FAM13A: variants seen among roughly 807,000 people sequenced by gnomAD.
FAM13A encodes protein FAM13A.
FAM13A carries 76 observed loss-of-function variants against 129.6 expected under a neutral mutation model. That is an observed-to-expected ratio of 0.59 (90% confidence interval 0.49 to 0.71). The LOEUF is 0.71. Among genes scored for constraint, FAM13A ranks in the 30% least tolerant of loss-of-function variants. The pLI is 0.00. For missense variants in FAM13A, 1,108 were observed against 1,249.3 expected (o/e 0.89, Z 1.70); for synonymous variants, 443 against 449.9 (o/e 0.98, Z 0.20).
At position 88,727,394 on chromosome 4, in the gene FAM13A, G is replaced by GA. The variant is rs1395131612; in HGVS notation, c.*1138dup. On this transcript the variant is annotated 3_prime_UTR_variant, in exon 24 of 24. Coordinates refer to ENST00000264344, the MANE Select transcript of FAM13A (RefSeq NM_014883.4). ...TAGACAGTTTTGTGACAAAGTCTTTGAAAAAAATTATAATTGGCCACACAG... is the reference window on the plus strand; with the variant it reads ...TAGACAGTTTTGTGACAAAGTCTTTGAAAAAAAATTATAATTGGCCACACAG... 1.3e-5 allele frequency: 2 copies of GA among 152,500 alleles called. No individual in the cohort carries two copies. Among genetic ancestry groups the GA allele is most frequent in the South Asian group, 2.1e-4 (1 of 4,822 alleles). The allele number at this position is 152,500 out of a possible 1,614,324, so 9.4% of individuals were successfully genotyped here.
intron 5 of FAM13A, among the ~76,000 whole-genome samples, chr4:88,930,447 CA>C (rs1456545009): frequency 1.3e-5 from 2 of 152,108 alleles, no homozygotes; most frequent in Non-Finnish European, 2.9e-5. Flanking sequence ...TGACACTCAG[CA>C]ATACACAGGG....
chr4:88,787,805 G>C lies in FAM13A; in HGVS notation c.1219C>G (p.Gln407Glu), dbSNP rs1438942766. ...TGCTCCTTGGACTGGCGGCGGCGCT[G>C]TCTGGCAGATGTGGCAGAAGATGCT... Reference protein sequence around the residue: ...LSASSATSARQRRRQSKEQDE... With the variant: ...LSASSATSARERRRQSKEQDE... The change falls in exon 10 of 24, where the codon CAG becomes GAG. Residue 407 changes from glutamine to glutamate, a missense_variant. Physicochemically the swap from Gln to Glu is conservative, Grantham distance 29. This residue lies in a region of FAM13A where 566 missense variants were observed against 595.7 expected (regional missense o/e 0.95). Transcript: ENST00000264344. The C allele has an allele frequency of 1.2e-6, 2 of 1,613,530 alleles. No homozygotes were observed. Among genetic ancestry groups the C allele is most frequent in the Non-Finnish European group, 1.7e-6 (2 of 1,179,728 alleles).
chr4:88,801,164 G>T (rs1320484408), intron 8 of FAM13A, among the ~76,000 whole-genome samples: 1 of 152,094 alleles, frequency 6.6e-6, no homozygotes, highest in Non-Finnish European at 1.5e-5. Context: ...AATAGCAGTG[G>T]CATGGTATAA....
intron 5 of FAM13A, among the ~76,000 whole-genome samples, chr4:88,913,157 G>A (rs1342759428): frequency 2.0e-5 from 3 of 146,404 alleles, no homozygotes; most frequent in South Asian, 4.4e-4. Flanking sequence ...AGAAGAGGAG[G>A]AGGAGGAAGA....
intron 23 of FAM13A, 45 bp from the exon 24 acceptor site, chr4:88,728,704 C>T (rs1357907308): frequency 1.9e-6 from 3 of 1,609,972 alleles, no homozygotes; most frequent in Non-Finnish European, 2.5e-6. Context: ...CATTTTCTGT[C>T]TTTGCTAGAT....
At chr4:88,742,860 G>C (rs1027728749) in intron 19 of FAM13A, among the ~76,000 whole-genome samples, 1 of 152,112 alleles carries the variant, frequency 6.6e-6, no homozygotes, top group Non-Finnish European at 1.5e-5. Context: ...TTTCCTGAAT[G>C]GTAAATTGCA....
chr4:88,796,897 A>C (rs1726298926), intron 8 of FAM13A, among the ~76,000 whole-genome samples: 1 of 152,070 alleles, frequency 6.6e-6, no homozygotes, highest in Admixed American at 6.6e-5. Flanking sequence ...TCCTATGCAC[A>C]ATTCTACTAT....
intron 6 of FAM13A, among the ~76,000 whole-genome samples, chr4:88,858,400 A>C (rs191779993): frequency 6.6e-6 from 1 of 152,222 alleles, no homozygotes; most frequent in Admixed American, 6.5e-5. Flanking sequence ...ACAAATTTTC[A>C]TTCTGTTACA....
At chr4:88,805,219 A>C (rs950256732) in intron 7 of FAM13A, among the ~76,000 whole-genome samples, 167 bp from the exon 8 acceptor site, 1 of 152,230 alleles carries the variant, frequency 6.6e-6, no homozygotes, top group Non-Finnish European at 1.5e-5. Flanking sequence ...AGCCAAGGTC[A>C]ATTACTTCTT....
chr4:88,913,493 GGAGGAA>G (rs765114580), intron 5 of FAM13A, among the ~76,000 whole-genome samples: 39 of 141,794 alleles, frequency 2.8e-4, no homozygotes, highest in Admixed American at 1.2e-3. Flanking sequence ...AAGAAGAAGA[GGAGGAA>G]GAGGAAGAGG....
chr4:88,827,086 G>A (rs1733132284), intron 7 of FAM13A, among the ~76,000 whole-genome samples: 1 of 152,000 alleles, frequency 6.6e-6, no homozygotes, highest in Non-Finnish European at 1.5e-5. Flanking sequence ...AATGGACTTC[G>A]ACCTTTACCA....
intron 11 of FAM13A, among the ~76,000 whole-genome samples, chr4:88,770,187 A>T (rs1183349850): frequency 6.6e-6 from 1 of 152,222 alleles, no homozygotes; most frequent in East Asian, 1.9e-4. Flanking sequence ...TCATACCTCT[A>T]AAGTGTGAGT....
At chr4:88,916,356 G>A (rs1750118715) in intron 5 of FAM13A, among the ~76,000 whole-genome samples, 1 of 151,994 alleles carries the variant, frequency 6.6e-6, no homozygotes, top group Non-Finnish European at 1.5e-5. Context: ...TCACCTCTTT[G>A]GAGAAGCTCC....
At chr4:88,987,117 C>T (rs1762331534) in intron 4 of FAM13A, among the ~76,000 whole-genome samples, 1 of 152,134 alleles carries the variant, frequency 6.6e-6, no homozygotes, top group South Asian at 2.1e-4. Context: ...CCTAAAGGGA[C>T]TCCCACAACT....
chr4:88,905,513 C>T (rs1052958360), intron 6 of FAM13A, among the ~76,000 whole-genome samples: 3 of 152,088 alleles, frequency 2.0e-5, no homozygotes, highest in Non-Finnish European at 4.4e-5. Context: ...AGGTATTAAG[C>T]CCAGTACCCG....
At chr4:88,955,282 A>G (rs1757567860) in intron 4 of FAM13A, among the ~76,000 whole-genome samples, 3 of 152,244 alleles carry the variant, frequency 2.0e-5, no homozygotes, top group Admixed American at 1.3e-4. Context: ...GCACCAGGGA[A>G]AAGACCTCTA....
intron 20 of FAM13A, among the ~76,000 whole-genome samples, chr4:88,738,358 TG>T (rs1352359788): frequency 6.6e-6 from 1 of 152,052 alleles, no homozygotes; most frequent in Non-Finnish European, 1.5e-5. Flanking sequence ...ACTCATAAGC[TG>T]GGGGTGGAAA....
At chr4:88,894,880 T>A (rs908686047) in intron 6 of FAM13A, among the ~76,000 whole-genome samples, 7 of 152,220 alleles carry the variant, frequency 4.6e-5, no homozygotes, top group Admixed American at 4.6e-4. Context: ...TTAGGATACA[T>A]CAGTCATATC....
intron 4 of FAM13A, among the ~76,000 whole-genome samples, chr4:88,983,575 G>A (rs1761899290): frequency 6.6e-6 from 1 of 152,078 alleles, no homozygotes; most frequent in Non-Finnish European, 1.5e-5. Flanking sequence ...AAAGATACTT[G>A]ATAATAGATT....
Sources: allele counts gnomAD v4.1 joint callset (sites outside exome capture counted in the v4.1 genomes callset), GRCh38; gene constraint gnomAD v4.1.1; regional missense constraint gnomAD v4.1.1; transcripts MANE v1.5; gene names NCBI Gene and HGNC (gene_info 2026-07-23, HGNC 2026-07-21).